The following CPSF4L variants were observed in gnomAD, a reference collection of about 807,000 sequenced individuals.
The protein encoded by CPSF4L is putative cleavage and polyadenylation specificity factor subunit 4-like protein.
CPSF4L carries 18 observed loss-of-function variants against 24.0 expected under a neutral mutation model. The ratio of observed to expected loss-of-function variants is 0.75; its 90% CI spans 0.52 to 1.11. CPSF4L has a LOEUF of 1.11. CPSF4L is among the 50% of genes least tolerant of loss of function. The probability of loss-of-function intolerance (pLI) is 0.00; values close to 1 mark genes in which losing one functional copy is unlikely to be tolerated. For synonymous variants in CPSF4L, 72 were observed against 77.2 expected (o/e 0.93, Z 0.35); for missense variants, 211 against 221.8 (o/e 0.95, Z 0.31).
intron 5 of CPSF4L, chr17:73,250,921 C>T (rs983866411): frequency 4.5e-5 from 62 of 1,381,366 alleles, no homozygotes; most frequent in African/African-American, 7.3e-5. Flanking sequence ...ATTCCTTGCC[C>T]TCCCAGCTCT....
chr17:73,254,296 G>A (rs536834125), intron 3 of CPSF4L, among the ~76,000 whole-genome samples: 5 of 152,360 alleles, frequency 3.3e-5, no homozygotes, highest in African/African-American at 1.2e-4. Context: ...AGGAGGCACT[G>A]GAACTGAAGG....
chr17:73,252,690 A>G lies in CPSF4L; in HGVS notation c.437T>C (p.Ile146Thr). Residue 146 changes from isoleucine to threonine, a missense_variant, in exon 5 of 6, where the codon ATA becomes ACA. Coordinates refer to ENST00000344935, the MANE Select transcript of CPSF4L (RefSeq NM_001129885.1). Reference protein sequence around the residue: ...PLCKYRHVPRIMCLNYLVGFC... With the variant: ...PLCKYRHVPRTMCLNYLVGFC... ...GCCAACTAAATAGTTGAGACACATT[A>G]TTCTGGGGACATGGCGGTATTTACA... The G allele has an allele frequency of 6.4e-7, 1 of 1,551,474 alleles. No individual in the cohort carries two copies. The highest frequency in any genetic ancestry group is 1.4e-5 in the African/African-American group (1 of 73,166).
intron 2 of CPSF4L, among the ~76,000 whole-genome samples, chr17:73,258,592 G>A (rs886561991): frequency 6.6e-6 from 1 of 152,092 alleles, no homozygotes; most frequent in African/African-American, 2.4e-5. Context: ...TTGAGCCACC[G>A]TGACTGGCCA....
downstream of CPSF4L, chr17:73,245,813 CA>C (rs1490140888): frequency 1.3e-6 from 1 of 742,014 alleles, no homozygotes; most frequent in Non-Finnish European, 1.6e-6. Flanking sequence ...ACATTTTATA[CA>C]TCTTAATTGA....
chr17:73,244,716 A>G (rs538837186), downstream of CPSF4L: 300 of 153,320 alleles, frequency 2.0e-3, 1 homozygote, highest in African/African-American at 6.7e-3. Flanking sequence ...GAAAAAAAAA[A>G]ATCACAATTT....
downstream of CPSF4L, chr17:73,247,248 G>A (rs753655745): frequency 8.1e-6 from 13 of 1,614,084 alleles, no homozygotes; most frequent in Non-Finnish European, 1.0e-5. Context: ...CAGAAAAATT[G>A]TGCCGACCCC....
the CPSF4L span, among the ~76,000 whole-genome samples, chr17:73,242,706 A>G: frequency 6.6e-6 from 1 of 152,220 alleles, no homozygotes; most frequent in African/African-American, 2.4e-5. Flanking sequence ...ACCCAAAACA[A>G]GAGTAACTAA....
At chr17:73,244,240 T>G (rs1171451183), downstream of CPSF4L, among the ~76,000 whole-genome samples, 1 of 152,108 alleles carries the variant, frequency 6.6e-6, no homozygotes, top group Non-Finnish European at 1.5e-5. Flanking sequence ...ATAATTAAAT[T>G]TTTGTGCTGG....
chr17:73,245,328 T>C (rs1366489321), downstream of CPSF4L: 9 of 1,397,298 alleles, frequency 6.4e-6, no homozygotes, highest in African/African-American at 1.3e-4. Context: ...AAGAATAAAA[T>C]TATTGGAATC....
At chr17:73,245,579 C>T (rs2061939075), downstream of CPSF4L, 1 of 985,404 alleles carries the variant, frequency 1.0e-6, no homozygotes, top group Non-Finnish European at 1.2e-6. Context: ...TACCAGACTA[C>T]TACCTATATG....
intron 2 of CPSF4L, 81 bp from the exon 3 acceptor site, chr17:73,257,914 G>T (rs2062029883): frequency 1.4e-6 from 2 of 1,448,346 alleles, no homozygotes; most frequent in Non-Finnish European, 1.9e-6. Context: ...GATTCCCCAG[G>T]AGGGTACCTG....
rs145660280 is a variant in CPSF4L at position 73,261,640 on chromosome 17, T to G, written c.103+76A>C. 6,337 of 1,022,396 alleles carry G rather than the reference T, an allele frequency of 6.2e-3. 375 individuals carry two copies. In the East Asian group the frequency reaches 0.13, roughly 21 times the overall value. The allele number at this position is 1,022,396 out of a possible 1,614,324, so 63.3% of individuals were successfully genotyped here. On this transcript the variant is annotated intron_variant, in intron 1 of 5. Coordinates refer to ENST00000344935, the MANE Select transcript of CPSF4L (RefSeq NM_001129885.1). ...TGTGCCACTACACTCCAGCCTGGGCTACAGAGCGAGACTCCGTCTCAAAGA... is the reference window on the plus strand; with the variant it reads ...TGTGCCACTACACTCCAGCCTGGGCGACAGAGCGAGACTCCGTCTCAAAGA...
downstream of CPSF4L, chr17:73,245,234 G>T: frequency 6.2e-7 from 1 of 1,611,264 alleles, no homozygotes; most frequent in South Asian, 1.1e-5. Context: ...AGCAAAGGGC[G>T]TACAGTGGAG....
downstream of CPSF4L, chr17:73,245,028 G>T: frequency 1.4e-6 from 1 of 738,788 alleles, no homozygotes; most frequent in Admixed American, 2.7e-5. Context: ...TGAAGAAAGT[G>T]AAACAAACTT....
intron 1 of CPSF4L, 64 bp downstream of exon 1, chr17:73,261,652 C>G: frequency 8.7e-7 from 1 of 1,145,732 alleles, no homozygotes; most frequent in South Asian, 1.3e-5. Context: ...CAGAGCGAGA[C>G]TCCGTCTCAA....
intron 5 of CPSF4L, 51 bp from the exon 6 acceptor site, chr17:73,248,587 T>G (rs1485100586): frequency 3.9e-6 from 6 of 1,530,966 alleles, no homozygotes; most frequent in Non-Finnish European, 5.3e-6. Flanking sequence ...GTAATCCATA[T>G]TCACCTTCCC....
chr17:73,251,988 G>A lies in CPSF4L; in HGVS notation c.497+642C>T, dbSNP rs144819580. ...CTAGAGGTTGGAGAGTAGTCTGGGA[G>A]GAACAACCACATATATGTGTCCCAC... On this transcript the variant is annotated intron_variant, in intron 5 of 5. Coordinates refer to ENST00000344935, the MANE Select transcript of CPSF4L (RefSeq NM_001129885.1). Among the ~76,000 whole-genome samples, 30 of 152,356 alleles carry A rather than the reference G, an allele frequency of 2.0e-4. No individual in the cohort carries two copies. The East Asian group carries it at 5.6e-3, about 28-fold the overall frequency.
At chr17:73,252,260 A>G (rs1054092519) in intron 5 of CPSF4L, among the ~76,000 whole-genome samples, 4 of 152,172 alleles carry the variant, frequency 2.6e-5, no homozygotes, top group African/African-American at 9.7e-5. Context: ...GCTCATTAAC[A>G]TGCTCTGCGC....
At chr17:73,252,291 A>G (rs1296624005) in intron 5 of CPSF4L, among the ~76,000 whole-genome samples, 1 of 152,220 alleles carries the variant, frequency 6.6e-6, no homozygotes, top group Admixed American at 6.5e-5. Flanking sequence ...CAGATTTCAT[A>G]TTTCAGAACC....
Sources: gnomAD v4.1 joint callset for allele counts (sites outside exome capture counted in the v4.1 genomes callset) on GRCh38, gnomAD v4.1.1 for gene constraint, MANE v1.5 for transcripts, NCBI Gene and HGNC (gene_info 2026-07-23, HGNC 2026-07-21) for gene names.